Variants in PLCB1 observed in about 807,000 individuals in gnomAD.
The protein encoded by PLCB1 is 1-phosphatidylinositol 4,5-bisphosphate phosphodiesterase beta-1.
Under a neutral mutation model 161.8 loss-of-function variants are expected in PLCB1, and 46 were observed. The observed-to-expected ratio is 0.28, with a 90% confidence interval of 0.22 to 0.36. PLCB1 has a LOEUF of 0.36. PLCB1 is among the 10% of genes least tolerant of loss of function. The pLI, the probability that PLCB1 is intolerant of heterozygous loss-of-function variation, is 1.00. For synonymous variants in PLCB1, 517 were observed against 503.7 expected, an observed-to-expected ratio of 1.03 and a Z score of -0.35; for missense variants, 1,016 against 1,472.5, an observed-to-expected ratio of 0.69 and a Z score of 5.07.
chr20:8,301,195 G>A (rs563231858), intron 2 of PLCB1, among the ~76,000 whole-genome samples: 1 of 152,256 alleles, frequency 6.6e-6, no homozygotes, highest in Non-Finnish European at 1.5e-5. Flanking sequence ...AAGACAATGT[G>A]TACTCTGGTA....
intron 23 of PLCB1, among the ~76,000 whole-genome samples, chr20:8,750,324 T>C (rs1981389968): frequency 6.6e-6 from 1 of 152,228 alleles, no homozygotes; most frequent in Non-Finnish European, 1.5e-5. Context: ...AACAGATGAA[T>C]TTATCCAGCT....
At chr20:8,629,243 A>C (rs1157661075) in intron 4 of PLCB1, among the ~76,000 whole-genome samples, 1 of 152,206 alleles carries the variant, frequency 6.6e-6, no homozygotes, top group East Asian at 1.9e-4. Context: ...AATTTTAGAT[A>C]ATAATGAAAA....
chr20:8,860,757 C>T (rs1410256625), intron 31 of PLCB1, among the ~76,000 whole-genome samples: 1 of 152,142 alleles, frequency 6.6e-6, no homozygotes, highest in East Asian at 1.9e-4. Context: ...TTATGAGCTC[C>T]CTGATGTCTA....
At chr20:8,410,729 C>T (rs1055249418) in intron 3 of PLCB1, among the ~76,000 whole-genome samples, 21 of 152,194 alleles carry the variant, frequency 1.4e-4, no homozygotes, top group African/African-American at 4.6e-4. Flanking sequence ...CTATGAATGA[C>T]ACCTTATTTG....
At chr20:8,536,017 T>C (rs941059647) in intron 3 of PLCB1, among the ~76,000 whole-genome samples, 1 of 151,996 alleles carries the variant, frequency 6.6e-6, no homozygotes, top group African/African-American at 2.4e-5. Context: ...CCTGAAGTTA[T>C]ACAAGTTTCA....
In PLCB1 at chr20:8,371,513, A is replaced by G. The variant is rs1986903372; in HGVS notation, c.246+63A>G. ...CTTGATTGTTTGGCTGTGTCACAATATCAATTAATTGCCCCAATTAAAAGT... is the reference window on the plus strand; with the variant it reads ...CTTGATTGTTTGGCTGTGTCACAATGTCAATTAATTGCCCCAATTAAAAGT... On this transcript the variant is annotated intron_variant, in intron 3 of 31. Coordinates refer to ENST00000338037, the MANE Select transcript of PLCB1 (RefSeq NM_015192.4). 8.0e-6 allele frequency: 9 copies of G among 1,130,840 alleles called. No homozygotes were observed. In the South Asian group the frequency reaches 1.2e-4, roughly 15 times the overall value. The allele number at this position is 1,130,840 out of a possible 1,614,324, so 70.1% of individuals were successfully genotyped here.
Position 8,733,352 on chromosome 20 carries a change from G to T in PLCB1, c.2003G>T (p.Gly668Val). Reference sequence around the variant, plus strand: ...AAGCATTTTGATCCATTTACTGAAGGCATCGTAGATGGGATAGTGGCAAAC... The same window carrying T: ...AAGCATTTTGATCCATTTACTGAAGTCATCGTAGATGGGATAGTGGCAAAC... The part of the protein sequence containing the change: ...PDKHFDPFTE[G>V]IVDGIVANTL... Residue 668 changes from glycine (G) to valine (V), a missense_variant, in exon 19 of 32, where the codon GGC becomes GTC. Around this residue, in one of 10 missense-constraint regions of PLCB1, gnomAD observed 67 missense variants for 195.6 expected, o/e 0.34. Coordinates refer to ENST00000338037, the MANE Select transcript of PLCB1 (RefSeq NM_015192.4). 6.2e-7 allele frequency: 1 copy of T among 1,613,896 alleles called. No individual in the cohort carries two copies. Among genetic ancestry groups the T allele is most frequent in the Non-Finnish European group, 8.5e-7 (1 of 1,179,862 alleles).
intron 3 of PLCB1, among the ~76,000 whole-genome samples, chr20:8,471,063 AAAT>A (rs1486120408): frequency 1.3e-5 from 2 of 152,198 alleles, no homozygotes; most frequent in Non-Finnish European, 1.5e-5. Context: ...ACTGTTTGGA[AAAT>A]AATAATGTAC....
intron 2 of PLCB1, among the ~76,000 whole-genome samples, chr20:8,211,623 T>C (rs1024082715): frequency 6.6e-6 from 1 of 152,126 alleles, no homozygotes; most frequent in Non-Finnish European, 1.5e-5. Context: ...TGATGGATAT[T>C]GATGATGAAG....
intron 29 of PLCB1, 29 bp downstream of exon 29, chr20:8,788,751 C>T: frequency 2.2e-6 from 3 of 1,372,932 alleles, no homozygotes; most frequent in Non-Finnish European, 2.1e-6. Context: ...CTCTCCCAAA[C>T]AGTTCATCTG....
In PLCB1 at chr20:8,644,824, G is replaced by A. The variant is rs563177966; in HGVS notation, c.385-1278G>A. Among the ~76,000 whole-genome samples, 1,100 of 152,284 alleles carry A rather than the reference G, an allele frequency of 7.2e-3. 16 individuals carry two copies. Among genetic ancestry groups the A allele is most frequent in the African/African-American group, 0.025 (1,052 of 41,566 alleles). On this transcript the variant is annotated intron_variant, in intron 4 of 31. Transcript: ENST00000338037. ...GCTCGGCCACCACCCCGTCTGGGAG[G>A]TGTACCCAACAGCTCATTGAGAACG... is the stretch of plus-strand genomic sequence containing the variant.
At chr20:8,590,001 C>G (rs991751841) in intron 3 of PLCB1, among the ~76,000 whole-genome samples, 2 of 152,096 alleles carry the variant, frequency 1.3e-5, no homozygotes, top group African/African-American at 4.8e-5. Flanking sequence ...AAGGCCCCTC[C>G]TCCTAATATC....
intron 2 of PLCB1, among the ~76,000 whole-genome samples, chr20:8,169,709 G>T: frequency 6.6e-6 from 1 of 152,152 alleles, no homozygotes; most frequent in East Asian, 1.9e-4. Context: ...GATCCACTCA[G>T]ACTCCCAGGA....
chr20:8,816,842 G>T (rs1327721640), intron 31 of PLCB1, among the ~76,000 whole-genome samples: 1 of 152,200 alleles, frequency 6.6e-6, no homozygotes, highest in Non-Finnish European at 1.5e-5. Flanking sequence ...TAATCCATTA[G>T]TGATAAAAGT....
intron 18 of PLCB1, among the ~76,000 whole-genome samples, chr20:8,730,502 A>G (rs555915287): frequency 2.6e-5 from 4 of 151,914 alleles, no homozygotes; most frequent in Non-Finnish European, 4.4e-5. Context: ...ATTTTATAAT[A>G]TGGATTAATA....
At chr20:8,687,124 C>T (rs1990378720) in intron 10 of PLCB1, among the ~76,000 whole-genome samples, 1 of 151,800 alleles carries the variant, frequency 6.6e-6, no homozygotes, top group South Asian at 2.1e-4. Context: ...CTCCTGGGCT[C>T]AAGCAATCCT....
rs556888281 is a variant in PLCB1 at position 8,837,720 on chromosome 20, G to A, written c.3424-43902G>A. 3.9e-5 allele frequency among the ~76,000 whole-genome samples: 6 copies of A among 152,304 alleles called. No individual in the cohort carries two copies. The East Asian group carries it at 5.8e-4, about 15-fold the overall frequency. On this transcript the variant is annotated intron_variant, in intron 31 of 31. Transcript: ENST00000338037. Reference sequence around the variant, plus strand: ...GAGACATACCTTTCACCATAACTGTGGGAAGTAAGTTTGTGAGGGAGTCCC... The same window carrying A: ...GAGACATACCTTTCACCATAACTGTAGGAAGTAAGTTTGTGAGGGAGTCCC...
At chr20:8,277,013 ATTG>A (rs201224861) in intron 2 of PLCB1, among the ~76,000 whole-genome samples, 2,612 of 128,820 alleles carry the variant, frequency 0.02, 54 homozygotes, top group African/African-American at 0.038. Flanking sequence ...TATTATTATT[ATTG>A]TTAGAGATGG....
intron 1 of PLCB1, among the ~76,000 whole-genome samples, chr20:8,143,135 TTCCCCAG>T (rs762981395): frequency 1.4e-4 from 21 of 152,310 alleles, no homozygotes; most frequent in Non-Finnish European, 2.5e-4. Flanking sequence ...CAACACAATG[TTCCCCAG>T]TCCCTTTTCC....
Sources: gnomAD v4.1 joint callset for allele counts (sites outside exome capture counted in the v4.1 genomes callset) on GRCh38, gnomAD v4.1.1 for gene constraint, gnomAD v4.1.1 regional missense constraint, MANE v1.5 for transcripts, NCBI Gene and HGNC (gene_info 2026-07-23, HGNC 2026-07-21) for gene names.